CHRM2: variants seen among roughly 807,000 people sequenced by gnomAD.
The protein encoded by CHRM2 is muscarinic acetylcholine receptor M2.
CHRM2 carries 8 observed loss-of-function variants against 25.0 expected under a neutral mutation model. The observed-to-expected ratio is 0.32, with a 90% CI of 0.19 to 0.58. CHRM2 has a LOEUF of 0.58. Ranked by LOEUF, CHRM2 falls within the 20% of genes least tolerant of loss-of-function variation. The probability of loss-of-function intolerance (pLI) is 0.88; values close to 1 mark genes in which losing one functional copy is unlikely to be tolerated. For missense variants in CHRM2, 440 were observed against 567.1 expected (o/e 0.78, Z 2.28); for synonymous variants, 202 against 205.7 (o/e 0.98, Z 0.15).
intron 2 of CHRM2, among the ~76,000 whole-genome samples, chr7:136,945,636 T>A (rs1350369483): frequency 2.0e-5 from 3 of 152,158 alleles, no homozygotes; most frequent in Non-Finnish European, 4.4e-5. Flanking sequence ...TGTAGTATAA[T>A]TTGAAGTTGG....
chr7:136,946,980 T>G (rs1457149077), intron 2 of CHRM2, among the ~76,000 whole-genome samples: 1 of 152,202 alleles, frequency 6.6e-6, no homozygotes, highest in Non-Finnish European at 1.5e-5. Flanking sequence ...GTAGATGGTA[T>G]GCCCAGGGGA....
intron 2 of CHRM2, among the ~76,000 whole-genome samples, chr7:136,875,042 A>C (rs1419851614): frequency 6.7e-6 from 1 of 149,170 alleles, no homozygotes; most frequent in African/African-American, 2.4e-5. Flanking sequence ...ATATATATGT[A>C]AAAAATGCAT....
At chr7:136,933,701 A>G (rs980184448) in intron 2 of CHRM2, among the ~76,000 whole-genome samples, 1 of 152,190 alleles carries the variant, frequency 6.6e-6, no homozygotes, top group African/African-American at 2.4e-5. Flanking sequence ...GATAAACAAA[A>G]TGTGATATTT....
At chr7:137,006,030 C>G (rs1804402344) in intron 3 of CHRM2, among the ~76,000 whole-genome samples, 1 of 152,018 alleles carries the variant, frequency 6.6e-6, no homozygotes, top group Admixed American at 6.6e-5. Flanking sequence ...ACAAAACAAC[C>G]TTTAGACAGA....
intron 2 of CHRM2, among the ~76,000 whole-genome samples, chr7:136,968,569 C>A (rs943620177): frequency 6.6e-6 from 1 of 151,730 alleles, no homozygotes; most frequent in Non-Finnish European, 1.5e-5. Flanking sequence ...GAAGAGATAT[C>A]TGCACTCCAA....
At chr7:136,928,076 T>C (rs1352008089) in intron 2 of CHRM2, among the ~76,000 whole-genome samples, 1 of 151,844 alleles carries the variant, frequency 6.6e-6, no homozygotes, top group Non-Finnish European at 1.5e-5. Context: ...TTGCGCAGAG[T>C]GGATTGGGAA....
intron 2 of CHRM2, among the ~76,000 whole-genome samples, chr7:136,920,898 C>A (rs1051279948): frequency 2.0e-5 from 3 of 152,028 alleles, no homozygotes; most frequent in African/African-American, 7.2e-5. Flanking sequence ...CCCAAGGAGA[C>A]GTGTGAGAGG....
chr7:136,929,018 A>T (rs1362070206), intron 2 of CHRM2, among the ~76,000 whole-genome samples: 1 of 152,172 alleles, frequency 6.6e-6, no homozygotes, highest in Non-Finnish European at 1.5e-5. Context: ...ATCACAGAAT[A>T]AAGGGCTTCC....
chr7:136,911,041 T>C (rs1797816378), intron 2 of CHRM2, among the ~76,000 whole-genome samples: 1 of 151,936 alleles, frequency 6.6e-6, no homozygotes, highest in Non-Finnish European at 1.5e-5. Context: ...TCCACTCAAA[T>C]AGGCTTAGTT....
intron 2 of CHRM2, among the ~76,000 whole-genome samples, chr7:136,917,875 G>A (rs1798209607): frequency 6.6e-6 from 1 of 152,058 alleles, no homozygotes; most frequent in Non-Finnish European, 1.5e-5. Context: ...CAGTCAGATA[G>A]GATATGAATA....
intron 2 of CHRM2, among the ~76,000 whole-genome samples, chr7:136,881,885 A>G (rs1250920043): frequency 6.6e-6 from 1 of 152,014 alleles, no homozygotes; most frequent in Non-Finnish European, 1.5e-5. Context: ...TCATCTTCCA[A>G]TCTTCAGCAG....
At chr7:136,911,153 G>C (rs1797823345) in intron 2 of CHRM2, among the ~76,000 whole-genome samples, 1 of 151,658 alleles carries the variant, frequency 6.6e-6, no homozygotes, top group Non-Finnish European at 1.5e-5. Flanking sequence ...TTGGGTTTCA[G>C]CAATGATATG....
intron 2 of CHRM2, among the ~76,000 whole-genome samples, chr7:136,944,630 C>G (rs116419003): frequency 0.014 from 2,184 of 152,198 alleles, 49 homozygotes; most frequent in African/African-American, 0.05. Flanking sequence ...CTGCTATAAA[C>G]ATTTCATGTG....
At chr7:136,886,473 T>C (rs1796469250) in intron 2 of CHRM2, among the ~76,000 whole-genome samples, 1 of 152,182 alleles carries the variant, frequency 6.6e-6, no homozygotes, top group Non-Finnish European at 1.5e-5. Flanking sequence ...TACTTCAAAG[T>C]GTAATTTCTT....
intron 3 of CHRM2, among the ~76,000 whole-genome samples, chr7:137,000,596 A>AGAAGGAAGGAAGGAAGGAAGGAAGGGAAG (rs1554434119): frequency 1.6e-5 from 1 of 62,554 alleles, no homozygotes; most frequent in Non-Finnish European, 3.8e-5. Context: ...AGGAAGGGAA[A>AGAAGGAAGGAAGGAAGGAAGGAAGGGAAG]AAAAGCAAGT....
chr7:136,888,782 C>T (rs1796572530), intron 2 of CHRM2, among the ~76,000 whole-genome samples: 1 of 152,150 alleles, frequency 6.6e-6, no homozygotes, highest in Admixed American at 6.5e-5. Context: ...CCAATTCAAT[C>T]ACGCCTGTAA....
chr7:137,009,491 C>G (rs1260018736), intron 3 of CHRM2, among the ~76,000 whole-genome samples: 1 of 152,042 alleles, frequency 6.6e-6, no homozygotes, highest in Non-Finnish European at 1.5e-5. Flanking sequence ...TGCCCAAAGC[C>G]CCAGTATTGT....
chr7:136,916,046 C>T (rs1798087041), intron 2 of CHRM2, among the ~76,000 whole-genome samples: 1 of 151,778 alleles, frequency 6.6e-6, no homozygotes, highest in Non-Finnish European at 1.5e-5. Flanking sequence ...AATCTAACCC[C>T]ATGGTGCAGG....
chr7:136,906,024 T>C (rs984114071), intron 2 of CHRM2, among the ~76,000 whole-genome samples: 2 of 151,222 alleles, frequency 1.3e-5, no homozygotes, highest in Non-Finnish European at 3.0e-5. Context: ...TGTAGAGTCT[T>C]AGTGTCAAAT....
Sources: gnomAD v4.1 joint callset for allele counts (sites outside exome capture counted in the v4.1 genomes callset) on GRCh38, gnomAD v4.1.1 for gene constraint, MANE v1.5 for transcripts, NCBI Gene and HGNC (gene_info 2026-07-23, HGNC 2026-07-21) for gene names.